The following TSBP1 variants were observed in gnomAD, a reference collection of about 807,000 sequenced individuals.
The protein encoded by TSBP1 is testis-expressed basic protein 1.
Under a neutral mutation model 68.8 loss-of-function variants are expected in TSBP1, and 56 were observed. The ratio of observed to expected loss-of-function variants is 0.81; its 90% CI spans 0.66 to 1.02. TSBP1 has a LOEUF of 1.02. Ranked by LOEUF, TSBP1 falls within the 50% of genes least tolerant of loss-of-function variation. The pLI is 0.00. For synonymous variants in TSBP1, 171 were observed against 208.7 expected (o/e 0.82, Z 1.56); for missense variants, 502 against 641.2 (o/e 0.78, Z 2.34).
intron 9 of TSBP1, 103 bp from the exon 11 acceptor site, chr6:32,339,741 C>T (rs928369479): frequency 3.2e-5 from 19 of 596,250 alleles, no homozygotes; most frequent in Non-Finnish European, 5.5e-5. Context: ...AGGTGTGGTA[C>T]AAACAGTCTT....
exon 23 of TSBP1, chr6:32,293,088 T>G: frequency 1.9e-6 from 3 of 1,609,980 alleles, no homozygotes; most frequent in Non-Finnish European, 1.7e-6. Flanking sequence ...CCTTTAACTT[T>G]GTCCTTTCCT....
At position 32,336,551 on chromosome 6, in the gene TSBP1, G is replaced by T; in HGVS notation, c.430+64C>A. ...TTTTTAAAAATGCAGGGCAGATCAG[G>T]CCCCAAGACCTTGTAGGTCAGATAT... On this transcript the variant is annotated intron_variant, in intron 12 of 22. Transcript: ENST00000612031. The surrounding 1 kb of genome is among the most constrained non-coding windows in gnomAD (Gnocchi z 5.2). 1.5e-6 allele frequency: 2 copies of T among 1,339,526 alleles called. No homozygotes were observed. The highest frequency in any genetic ancestry group is 2.1e-6 in the Non-Finnish European group (2 of 934,314). The allele number at this position is 1,339,526 out of a possible 1,614,324, so 83.0% of individuals were successfully genotyped here. A position where few individuals can be genotyped will look rare whatever the true frequency, so the allele number is the denominator to read the frequency against.
chr6:32,327,313 TA>T (rs1768334795), intron 16 of TSBP1, among the ~76,000 whole-genome samples: 1 of 152,156 alleles, frequency 6.6e-6, no homozygotes, highest in African/African-American at 2.4e-5. Flanking sequence ...CATCTGGTGG[TA>T]AAAAACGGAA....
chr6:32,309,393 A>G (rs1766141411), intron 19 of TSBP1, among the ~76,000 whole-genome samples: 1 of 152,114 alleles, frequency 6.6e-6, no homozygotes, highest in Non-Finnish European at 1.5e-5. Flanking sequence ...TTTTACTCAA[A>G]AGTAAACTCC....
At position 32,335,472 on chromosome 6, in the gene TSBP1, GAAA is replaced by G. The variant is rs766574960; in HGVS notation, c.452-18_452-16del. The G allele has an allele frequency of 1.3e-4, 186 of 1,452,356 alleles. 1 individual carries two copies. The African/African-American group carries it at 2.4e-3, about 19-fold the overall frequency. The allele number at this position is 1,452,356 out of a possible 1,614,324, so 90.0% of individuals were successfully genotyped here. A position where few individuals can be genotyped will look rare whatever the true frequency, so the allele number is the denominator to read the frequency against. ...TTGAGAGAGCTCTAAAAAAAAAAGA[GAAA>G]AGAAATCAGTAGCTATATATATATT... On this transcript the variant is annotated splice_polypyrimidine_tract_variant and intron_variant, in intron 13 of 22. Coordinates refer to ENST00000612031, the Ensembl canonical transcript of TSBP1. This position sits in a 1 kb window ranked among gnomAD's most constrained non-coding sequence, Gnocchi z 5.5.
chr6:32,335,780 G>T lies in TSBP1; in HGVS notation c.451+132C>A. On this transcript the variant is annotated intron_variant, in intron 13 of 22. Coordinates refer to ENST00000612031, the Ensembl canonical transcript of TSBP1. This position sits in a 1 kb window ranked among gnomAD's most constrained non-coding sequence, Gnocchi z 5.5. ...TCATGACTTACTGAAATGCTAGGTT[G>T]AAGAAAAATAAGGGTTGAAGAAAAT... 1.4e-6 allele frequency: 1 copy of T among 727,842 alleles called. No homozygotes were observed. The allele number at this position is 727,842 out of a possible 1,614,324, so 45.1% of individuals were successfully genotyped here. A position where few individuals can be genotyped will look rare whatever the true frequency, so the allele number is the denominator to read the frequency against.
chr6:32,346,992 T>C (rs1007933399), intron 9 of TSBP1, among the ~76,000 whole-genome samples: 1 of 152,222 alleles, frequency 6.6e-6, no homozygotes, highest in African/African-American at 2.4e-5. Context: ...AGATTTTAAG[T>C]GTTCTTACCA....
intron 16 of TSBP1, among the ~76,000 whole-genome samples, chr6:32,328,545 A>G (rs1381195329): frequency 6.6e-6 from 1 of 151,950 alleles, no homozygotes; most frequent in Non-Finnish European, 1.5e-5. Flanking sequence ...CCTCCCAAGT[A>G]GCTGGGACTA....
At chr6:32,355,199 T>C (rs1562173513) in intron 7 of TSBP1, 55 bp from the exon 8 acceptor site, 2 of 1,559,236 alleles carry the variant, frequency 1.3e-6, no homozygotes, top group African/African-American at 1.4e-5. Flanking sequence ...GGATCCCTAA[T>C]CTTTACATAT....
At chr6:32,369,898 A>G in exon 2 of TSBP1, 1 of 1,585,866 alleles carries the variant, frequency 6.3e-7, no homozygotes, top group African/African-American at 1.3e-5. Flanking sequence ...ATTACTCACC[A>G]CTTTGCTTAC....
intron 19 of TSBP1, among the ~76,000 whole-genome samples, chr6:32,311,694 G>C (rs528901045): frequency 6.6e-6 from 1 of 152,274 alleles, no homozygotes; most frequent in Admixed American, 6.5e-5. Flanking sequence ...AGTTAACAAA[G>C]GAATGGTGTT....
chr6:32,336,990 A>G lies in TSBP1; in HGVS notation c.410-355T>C, dbSNP rs1011497476. ...GTGTCAGAAGATTTGAATACAATTA[A>G]GAAGTATGAGTGAGAAATCCTGCAG... On this transcript the variant is annotated intron_variant, in intron 11 of 22. Coordinates refer to ENST00000612031, the Ensembl canonical transcript of TSBP1. This position sits in a 1 kb window ranked among gnomAD's most constrained non-coding sequence, Gnocchi z 5.2. 6.6e-6 allele frequency among the ~76,000 whole-genome samples: 1 copy of G among 152,192 alleles called. No homozygotes were observed. The highest frequency in any genetic ancestry group is 1.5e-5 in the Non-Finnish European group (1 of 68,034).
chr6:32,366,236 ACTC>A, intron 5 of TSBP1, 34 bp downstream of exon 5: 2 of 1,590,828 alleles, frequency 1.3e-6, no homozygotes, highest in Non-Finnish European at 1.7e-6. Context: ...TCATAAACAG[ACTC>A]CTATATTAAT....
chr6:32,329,583 C>G (rs987747835), intron 16 of TSBP1, among the ~76,000 whole-genome samples: 2 of 152,166 alleles, frequency 1.3e-5, no homozygotes, highest in East Asian at 3.8e-4. Flanking sequence ...TGCCTGCCCT[C>G]TACACATTTT....
chr6:32,370,405 C>CTGTGTGTGTG (rs147644176), intron 1 of TSBP1, among the ~76,000 whole-genome samples: 2,472 of 80,930 alleles, frequency 0.031, 55 homozygotes, highest in Admixed American at 0.041. Context: ...GCAAGATTTT[C>CTGTGTGTGTG]TGTATATATA....
intron 4 of TSBP1, among the ~76,000 whole-genome samples, chr6:32,367,052 C>CATGTGTGTGT (rs146374908): frequency 1.3e-5 from 2 of 148,344 alleles, no homozygotes; most frequent in African/African-American, 5.0e-5. Context: ...ATGCTTGTAG[C>CATGTGTGTGT]GTGTGTGTGT....
intron 19 of TSBP1, among the ~76,000 whole-genome samples, chr6:32,308,001 C>T (rs1031679817): frequency 1.4e-4 from 21 of 151,966 alleles, no homozygotes; most frequent in Non-Finnish European, 2.4e-4. Flanking sequence ...TCTCGAACTC[C>T]TGACCTCAAG....
intron 8 of TSBP1, among the ~76,000 whole-genome samples, chr6:32,354,664 A>T (rs1021511842): frequency 2.6e-5 from 4 of 152,140 alleles, no homozygotes; most frequent in Non-Finnish European, 4.4e-5. Context: ...AATATTGAGA[A>T]TGCATCGGTA....
chr6:32,348,338 T>G (rs1771297476), intron 9 of TSBP1, among the ~76,000 whole-genome samples: 1 of 152,222 alleles, frequency 6.6e-6, no homozygotes, highest in African/African-American at 2.4e-5. Context: ...CATGTTTTAA[T>G]TATAAAAGTA....
Sources: allele counts gnomAD v4.1 joint callset (sites outside exome capture counted in the v4.1 genomes callset), GRCh38; gene constraint gnomAD v4.1.1; non-coding constraint Gnocchi (gnomAD v3.1); transcripts MANE v1.5; gene names NCBI Gene and HGNC (gene_info 2026-07-23, HGNC 2026-07-21).